The following QTMAN variants were observed in gnomAD, a reference collection of about 807,000 sequenced individuals.
QTMAN encodes tRNA-queuosine alpha-mannosyltransferase.
the QTMAN span, among the ~76,000 whole-genome samples, chr2:144,201,500 C>T: frequency 3.5e-4 from 53 of 152,296 alleles, no homozygotes; most frequent in African/African-American, 1.2e-3. Flanking sequence ...TAGGAAATCA[C>T]GGATGGCTTT....
the QTMAN span, among the ~76,000 whole-genome samples, chr2:144,332,736 C>T: frequency 6.6e-6 from 1 of 152,002 alleles, no homozygotes; most frequent in Non-Finnish European, 1.5e-5. Flanking sequence ...GCTCCTCGCA[C>T]CTGCCCACTG....
the QTMAN span, among the ~76,000 whole-genome samples, chr2:144,317,035 A>T: frequency 1.3e-5 from 2 of 152,216 alleles, no homozygotes; most frequent in Non-Finnish European, 2.9e-5. Context: ...AGACTTACTA[A>T]ACAGTTCATA....
chr2:144,014,487 T>C, the QTMAN span, among the ~76,000 whole-genome samples: 14 of 152,014 alleles, frequency 9.2e-5, no homozygotes, highest in Non-Finnish European at 7.4e-5. Context: ...TGCGATAAGA[T>C]AGGAAAAACA....
chr2:144,214,652 C>T, the QTMAN span, among the ~76,000 whole-genome samples: 3 of 152,172 alleles, frequency 2.0e-5, no homozygotes, highest in East Asian at 1.9e-4. Flanking sequence ...GTATACCCCC[C>T]TCAATGCCAT....
At chr2:144,062,122 T>G in the QTMAN span, among the ~76,000 whole-genome samples, 1 of 152,194 alleles carries the variant, frequency 6.6e-6, no homozygotes, top group Non-Finnish European at 1.5e-5. Flanking sequence ...CACTGACTCT[T>G]CACTAGCTGT....
the QTMAN span, among the ~76,000 whole-genome samples, chr2:144,192,051 T>C: frequency 6.6e-6 from 1 of 152,150 alleles, no homozygotes; most frequent in African/African-American, 2.4e-5. Flanking sequence ...ATGAAAAGAT[T>C]TAGAAATATT....
the QTMAN span, among the ~76,000 whole-genome samples, chr2:144,166,180 C>CA: frequency 6.6e-6 from 1 of 152,182 alleles, no homozygotes; most frequent in Non-Finnish European, 1.5e-5. Flanking sequence ...ATGGTATACA[C>CA]ACCAGGTTGC....
chr2:144,016,141 T>A, the QTMAN span, among the ~76,000 whole-genome samples: 1 of 152,218 alleles, frequency 6.6e-6, no homozygotes, highest in African/African-American at 2.4e-5. Flanking sequence ...GATCCTTCTA[T>A]GTGCAAGAGG....
At chr2:143,962,309 G>C in the QTMAN span, among the ~76,000 whole-genome samples, 2 of 152,168 alleles carry the variant, frequency 1.3e-5, no homozygotes, top group Non-Finnish European at 2.9e-5. Flanking sequence ...GTCTACATGG[G>C]GAGGAAGAAA....
the QTMAN span, among the ~76,000 whole-genome samples, chr2:144,223,579 G>C: frequency 1.3e-5 from 2 of 152,134 alleles, no homozygotes. Flanking sequence ...GTTTCCAAAA[G>C]GGAATTCTTA....
At chr2:144,180,984 T>C in the QTMAN span, among the ~76,000 whole-genome samples, 1 of 152,218 alleles carries the variant, frequency 6.6e-6, no homozygotes, top group African/African-American at 2.4e-5. Flanking sequence ...ACTGATTTAA[T>C]AACCATTTCC....
the QTMAN span, among the ~76,000 whole-genome samples, chr2:144,264,634 G>A: frequency 6.6e-6 from 1 of 152,216 alleles, no homozygotes; most frequent in Non-Finnish European, 1.5e-5. Flanking sequence ...AAATACGGGT[G>A]AGGCTAGTCA....
chr2:144,282,260 C>T, the QTMAN span, among the ~76,000 whole-genome samples: 1 of 152,058 alleles, frequency 6.6e-6, no homozygotes, highest in Admixed American at 6.6e-5. Context: ...CCAAGTGATA[C>T]TAAGATTGCT....
At chr2:144,127,290 C>A in the QTMAN span, among the ~76,000 whole-genome samples, 17 of 151,594 alleles carry the variant, frequency 1.1e-4, no homozygotes, top group East Asian at 2.7e-3. Context: ...CAAACACACA[C>A]AAAAAAAATG....
chr2:144,114,901 AATCAATC>A, the QTMAN span, among the ~76,000 whole-genome samples: 1 of 152,186 alleles, frequency 6.6e-6, no homozygotes, highest in Non-Finnish European at 1.5e-5. Flanking sequence ...GTTAAGGCAG[AATCAATC>A]ATTGGAATTC....
the QTMAN span, among the ~76,000 whole-genome samples, chr2:144,198,360 AG>A: frequency 6.6e-6 from 1 of 152,230 alleles, no homozygotes; most frequent in African/African-American, 2.4e-5. Flanking sequence ...ACATGATATC[AG>A]ATGCCTTTTG....
chr2:144,275,220 T>G, the QTMAN span, among the ~76,000 whole-genome samples: 1 of 151,732 alleles, frequency 6.6e-6, no homozygotes, highest in Non-Finnish European at 1.5e-5. Flanking sequence ...CTGTCTCTAC[T>G]AAAAATACAA....
the QTMAN span, among the ~76,000 whole-genome samples, chr2:144,025,438 G>A: frequency 5.9e-5 from 9 of 152,204 alleles, no homozygotes; most frequent in South Asian, 4.1e-4. Context: ...AGAAAGGCAA[G>A]CAATGGAAGT....
the QTMAN span, among the ~76,000 whole-genome samples, chr2:144,234,202 A>G: frequency 1.4e-4 from 22 of 152,144 alleles, no homozygotes; most frequent in African/African-American, 5.3e-4. Flanking sequence ...ACCACAAATC[A>G]TCGAAAAAGT....
Sources: allele counts gnomAD v4.1 joint callset (sites outside exome capture counted in the v4.1 genomes callset), GRCh38; gene constraint gnomAD v4.1.1; transcripts MANE v1.5; gene names NCBI Gene and HGNC (gene_info 2026-07-23, HGNC 2026-07-21).